CARMIL1: variants seen among roughly 807,000 people sequenced by gnomAD.
CARMIL1 encodes F-actin-uncapping protein LRRC16A.
CARMIL1 carries 90 observed loss-of-function variants against 177.1 expected under a neutral mutation model. The observed-to-expected ratio is 0.51, with a 90% CI of 0.43 to 0.61. CARMIL1 has a LOEUF of 0.61. Among genes scored for constraint, CARMIL1 ranks in the 20% least tolerant of loss-of-function variants. The pLI is 0.00. For synonymous variants in CARMIL1, 577 were observed against 606.2 expected (o/e 0.95, Z 0.71); for missense variants, 1,380 against 1,667.0 (o/e 0.83, Z 3.00).
intron 2 of CARMIL1, among the ~76,000 whole-genome samples, chr6:25,418,159 C>A (rs1795523858): frequency 6.6e-6 from 1 of 152,120 alleles, no homozygotes; most frequent in African/African-American, 2.4e-5. Context: ...AAAATTCAAG[C>A]TAGTAGGTTG....
Position 25,556,751 on chromosome 6 carries a change from A to T in CARMIL1, c.2643A>T (p.Leu881Phe). The part of the protein sequence containing the change: ...RGKTLPQQES[L>F]EIELAEEKPV... ...AGACCCTTCCTCAACAAGAATCCTTAGAGATCGAGCTGGCTGAGGAGAAGC... is the reference window on the plus strand; with the variant it reads ...AGACCCTTCCTCAACAAGAATCCTTTGAGATCGAGCTGGCTGAGGAGAAGC... Residue 881 changes from leucine (L) to phenylalanine (F), a missense_variant, in exon 29 of 37, where the codon TTA becomes TTT. Physicochemically the swap from Leu to Phe is conservative, Grantham distance 22. Transcript: ENST00000329474. The T allele has an allele frequency of 6.2e-7, 1 of 1,613,590 alleles. No individual in the cohort carries two copies. Among genetic ancestry groups the T allele is most frequent in the Non-Finnish European group, 8.5e-7 (1 of 1,179,678 alleles).
At chr6:25,544,605 C>G (rs1809246821) in intron 26 of CARMIL1, among the ~76,000 whole-genome samples, 3 of 101,592 alleles carry the variant, frequency 3.0e-5, no homozygotes, top group Admixed American at 2.2e-4. Flanking sequence ...TGTTACTAGA[C>G]TACACACACA....
chr6:25,410,117 G>A (rs1260586053), intron 2 of CARMIL1, among the ~76,000 whole-genome samples: 1 of 115,212 alleles, frequency 8.7e-6, no homozygotes, highest in Non-Finnish European at 1.6e-5. Context: ...CCACCTTTCT[G>A]CAAAGTGGGA....
intron 29 of CARMIL1, 126 bp downstream of exon 29, chr6:25,556,976 A>G (rs967809289): frequency 3.0e-6 from 3 of 1,000,108 alleles, no homozygotes; most frequent in African/African-American, 1.7e-5. Flanking sequence ...CCCTCAGACA[A>G]TTCTTTCAGA....
Position 25,482,931 on chromosome 6 carries a change from G to A in CARMIL1, c.961+588G>A, listed in dbSNP as rs914998195. On this transcript the variant is annotated intron_variant, in intron 12 of 36. Transcript: ENST00000329474. Reference sequence around the variant, plus strand: ...TATCCTGCATTCTTTGTGCCTTTGTGTATCTTCACATTTTGCCCTGGATGC... The same window carrying A: ...TATCCTGCATTCTTTGTGCCTTTGTATATCTTCACATTTTGCCCTGGATGC... 2.0e-5 allele frequency among the ~76,000 whole-genome samples: 3 copies of A among 152,146 alleles called. 1 individual carries two copies. Among genetic ancestry groups the A allele is most frequent in the Admixed American group, 6.5e-5 (1 of 15,286 alleles).
At chr6:25,513,608 T>TC (rs1190865099) in intron 20 of CARMIL1, among the ~76,000 whole-genome samples, 1 of 152,210 alleles carries the variant, frequency 6.6e-6, no homozygotes, top group African/African-American at 2.4e-5. Context: ...ATCAACACCC[T>TC]CATTCTGTCT....
intron 2 of CARMIL1, among the ~76,000 whole-genome samples, chr6:25,314,533 T>A (rs545127017): frequency 9.4e-5 from 14 of 149,444 alleles, no homozygotes; most frequent in South Asian, 2.2e-4. Flanking sequence ...TACACATATA[T>A]ACGTATACAT....
In CARMIL1 at chr6:25,472,508, A is replaced by C. The variant is rs1318747234; in HGVS notation, c.861A>C (p.Pro287=). ...GLHTINLAGN[P]LEDRGVSSLS... is the part of the protein sequence containing the mutation. ...ACACAATTAACCTTGCTGGCAACCC[A>C]CTGGAGGATAGAGGTACTGCAGAGT... The change falls in exon 11 of 37, where the codon CCA becomes CCC. Residue 287 remains proline (P), a synonymous_variant. Coordinates refer to ENST00000329474, the MANE Select transcript of CARMIL1 (RefSeq NM_017640.6). The C allele has an allele frequency of 5.0e-5, 79 of 1,575,476 alleles. No individual in the cohort carries two copies. Among genetic ancestry groups the C allele is most frequent in the Non-Finnish European group, 6.8e-5 (79 of 1,159,548 alleles).
At chr6:25,459,226 CT>C in intron 8 of CARMIL1, among the ~76,000 whole-genome samples, 2 of 79,532 alleles carry the variant, frequency 2.5e-5, no homozygotes, top group African/African-American at 9.3e-5. Context: ...TTCTTTCTTT[CT>C]TTCTTTCTTT....
chr6:25,352,152 T>A (rs1489408482), intron 2 of CARMIL1, among the ~76,000 whole-genome samples: 2 of 144,096 alleles, frequency 1.4e-5, no homozygotes, highest in Non-Finnish European at 1.5e-5. Context: ...TTGGATACAG[T>A]AAAAAAAAAA....
intron 2 of CARMIL1, among the ~76,000 whole-genome samples, chr6:25,353,207 A>G (rs1788278500): frequency 6.6e-6 from 1 of 152,210 alleles, no homozygotes; most frequent in African/African-American, 2.4e-5. Context: ...TTGTAATAAT[A>G]GAAGCTAACA....
chr6:25,315,093 A>G (rs138747155), intron 2 of CARMIL1, among the ~76,000 whole-genome samples: 123 of 151,424 alleles, frequency 8.1e-4, no homozygotes, highest in African/African-American at 2.8e-3. Flanking sequence ...GGTCCTAATT[A>G]TCTTCCTTTT....
At chr6:25,539,918 A>G (rs1808718923) in intron 25 of CARMIL1, 29 bp from the exon 26 acceptor site, 2 of 1,509,578 alleles carry the variant, frequency 1.3e-6, no homozygotes, top group Admixed American at 2.4e-5. Flanking sequence ...ACCCAATTCT[A>G]AAGAGGTTAT....
chr6:25,540,169 A>T, intron 26 of CARMIL1, 91 bp downstream of exon 26: 1 of 1,215,850 alleles, frequency 8.2e-7, no homozygotes, highest in Non-Finnish European at 1.1e-6. Context: ...TGTTTTATAG[A>T]CTTGTATGTG....
intron 21 of CARMIL1, among the ~76,000 whole-genome samples, chr6:25,516,651 T>A (rs1005254169): frequency 4.6e-5 from 7 of 152,144 alleles, no homozygotes; most frequent in Non-Finnish European, 7.3e-5. Context: ...TCCAGACAAA[T>A]AAAAGCTATT....
intron 8 of CARMIL1, among the ~76,000 whole-genome samples, chr6:25,456,773 T>C (rs1799569655): frequency 6.6e-6 from 1 of 152,192 alleles, no homozygotes; most frequent in Non-Finnish European, 1.5e-5. Context: ...ATCAATTCTT[T>C]GAAGACTCAA....
intron 33 of CARMIL1, among the ~76,000 whole-genome samples, chr6:25,601,047 G>T (rs1883260): frequency 6.6e-6 from 1 of 151,818 alleles, no homozygotes; most frequent in Non-Finnish European, 1.5e-5. Context: ...ACTTCCTGCC[G>T]TCTGGTAACC....
chr6:25,300,874 C>A lies in CARMIL1; in HGVS notation c.138+15965C>A, dbSNP rs553228364. 9.9e-5 allele frequency among the ~76,000 whole-genome samples: 15 copies of A among 152,220 alleles called. No homozygotes were observed. The South Asian group carries it at 2.9e-3, about 30-fold the overall frequency. On this transcript the variant is annotated intron_variant, in intron 2 of 36. Transcript: ENST00000329474. Reference sequence around the variant, plus strand: ...TAATTAAGTTAGCTCCAGTTAGAGACCCATAGAATAAACCTTATTGAGAAA... The same window carrying A: ...TAATTAAGTTAGCTCCAGTTAGAGAACCATAGAATAAACCTTATTGAGAAA...
At chr6:25,358,418 G>A (rs1788852979) in intron 2 of CARMIL1, among the ~76,000 whole-genome samples, 1 of 152,122 alleles carries the variant, frequency 6.6e-6, no homozygotes. Flanking sequence ...GAATATACAG[G>A]TAGGAGAAGC....
Sources: allele counts gnomAD v4.1 joint callset (sites outside exome capture counted in the v4.1 genomes callset), GRCh38; gene constraint gnomAD v4.1.1; transcripts MANE v1.5; gene names NCBI Gene and HGNC (gene_info 2026-07-23, HGNC 2026-07-21).